Variants in DUSP22 observed in about 807,000 individuals in gnomAD.
The protein encoded by DUSP22 is dual specificity protein phosphatase 22.
Under a neutral mutation model 24.5 loss-of-function variants are expected in DUSP22, and 24 were observed. That is an observed-to-expected ratio of 0.98 (90% confidence interval 0.71 to 1.38). DUSP22 has a LOEUF of 1.38. DUSP22 is among the 40% of genes most tolerant of loss of function. DUSP22 has a pLI of 0.00. For synonymous variants in DUSP22, 160 were observed against 106.4 expected (o/e 1.50, Z -3.10); for missense variants, 330 against 269.2 (o/e 1.23, Z -1.58).
intron 1 of DUSP22, among the ~76,000 whole-genome samples, chr6:300,760 C>T (rs1282465155): frequency 3.9e-5 from 6 of 152,282 alleles, no homozygotes; most frequent in African/African-American, 1.2e-4. Context: ...TGCATTTATG[C>T]ATTTTTCCAG....
intron 3 of DUSP22, among the ~76,000 whole-genome samples, chr6:316,450 T>A (rs1295652721): frequency 6.6e-6 from 1 of 152,308 alleles, no homozygotes; most frequent in African/African-American, 2.4e-5. Context: ...TGCCCCTGTG[T>A]GCTGAAAAGT....
At chr6:336,469 G>A (rs1411224987) in intron 4 of DUSP22, among the ~76,000 whole-genome samples, 2 of 152,306 alleles carry the variant, frequency 1.3e-5, no homozygotes, top group Non-Finnish European at 2.9e-5. Context: ...TTGAACGCTG[G>A]CCATCAGCCG....
At chr6:311,507 C>A (rs1038943846) in intron 2 of DUSP22, among the ~76,000 whole-genome samples, 4 of 152,292 alleles carry the variant, frequency 2.6e-5, no homozygotes, top group Non-Finnish European at 5.9e-5. Context: ...GGTGAAACCC[C>A]GTCTCTCCTA....
chr6:292,598 C>T (rs756533667), intron 1 of DUSP22, 38 bp downstream of exon 1: 4 of 1,582,050 alleles, frequency 2.5e-6, no homozygotes, highest in East Asian at 4.8e-5. Context: ...TTTGCCTCCG[C>T]TCCGACGCCC....
chr6:347,451 C>T (rs1759936357), intron 5 of DUSP22, among the ~76,000 whole-genome samples: 1 of 152,302 alleles, frequency 6.6e-6, no homozygotes, highest in Non-Finnish European at 1.5e-5. Context: ...CTGTGACCGC[C>T]TTCATTTGCA....
chr6:311,111 C>G (rs572603815), intron 2 of DUSP22, among the ~76,000 whole-genome samples: 2 of 152,418 alleles, frequency 1.3e-5, no homozygotes, highest in Admixed American at 1.3e-4. Flanking sequence ...AATTGTTCAG[C>G]AGGAATTCTC....
intron 1 of DUSP22, among the ~76,000 whole-genome samples, chr6:302,016 A>G (rs1312776190): frequency 6.6e-6 from 1 of 152,310 alleles, no homozygotes; most frequent in Non-Finnish European, 1.5e-5. Context: ...TGTTTTCCGA[A>G]TAATCCCTCT....
intron 3 of DUSP22, among the ~76,000 whole-genome samples, chr6:333,806 G>C (rs936197496): frequency 2.0e-5 from 3 of 152,300 alleles, no homozygotes; most frequent in African/African-American, 7.2e-5. Flanking sequence ...TGTGCTTCCC[G>C]GATCCCACTC....
At chr6:308,171 C>T (rs1161824210) in intron 2 of DUSP22, among the ~76,000 whole-genome samples, 4 of 151,126 alleles carry the variant, frequency 2.6e-5, no homozygotes, top group African/African-American at 9.9e-5. Flanking sequence ...TGATGCTCTG[C>T]TGCCGGTTGG....
At chr6:331,482 A>C in intron 3 of DUSP22, among the ~76,000 whole-genome samples, 1 of 152,418 alleles carries the variant, frequency 6.6e-6, no homozygotes, top group East Asian at 1.9e-4. Flanking sequence ...ATCTAAACTT[A>C]TCCTGTCCTT....
intron 4 of DUSP22, among the ~76,000 whole-genome samples, chr6:339,224 C>T (rs1221650097): frequency 6.6e-6 from 1 of 152,304 alleles, no homozygotes; most frequent in Non-Finnish European, 1.5e-5. Flanking sequence ...GAATTAAGGG[C>T]TTTGGAAATA....
Position 349,452 on chromosome 6 carries a change from C to A in DUSP22, c.*501C>A. 6 of 1,006,302 alleles carry A rather than the reference C, an allele frequency of 6.0e-6. No homozygotes were observed. The highest frequency in any genetic ancestry group is 7.1e-6 in the Non-Finnish European group (6 of 843,134). The allele number at this position is 1,006,302 out of a possible 1,614,324, so 62.3% of individuals were successfully genotyped here. A position where few individuals can be genotyped will look rare whatever the true frequency, so the allele number is the denominator to read the frequency against. Reference sequence around the variant, plus strand: ...ACTCCACATGGAAGGCATTTGAGCTCGACCTCCGAAAAGCTACCCAGCAAA... The same window carrying A: ...ACTCCACATGGAAGGCATTTGAGCTAGACCTCCGAAAAGCTACCCAGCAAA... On this transcript the variant is annotated 3_prime_UTR_variant, in exon 7 of 7. Transcript: ENST00000419235.
Position 349,454 on chromosome 6 carries a change from A to C in DUSP22, c.*503A>C. ...TCCACATGGAAGGCATTTGAGCTCGACCTCCGAAAAGCTACCCAGCAAAGA... is the reference window on the plus strand; with the variant it reads ...TCCACATGGAAGGCATTTGAGCTCGCCCTCCGAAAAGCTACCCAGCAAAGA... On this transcript the variant is annotated 3_prime_UTR_variant, in exon 7 of 7. Transcript: ENST00000419235. 1 of 1,005,728 alleles carries C rather than the reference A, an allele frequency of 9.9e-7. No homozygotes were observed. Among genetic ancestry groups the C allele is most frequent in the Non-Finnish European group, 1.2e-6 (1 of 842,754 alleles). The allele number at this position is 1,005,728 out of a possible 1,614,324, so 62.3% of individuals were successfully genotyped here. A position where few individuals can be genotyped will look rare whatever the true frequency, so the allele number is the denominator to read the frequency against.
At chr6:334,342 T>C (rs1759270315) in intron 3 of DUSP22, among the ~76,000 whole-genome samples, 1 of 152,304 alleles carries the variant, frequency 6.6e-6, no homozygotes, top group Non-Finnish European at 1.5e-5. Flanking sequence ...ATGTTTTGTG[T>C]TTCTACTTGA....
chr6:317,403 G>T (rs1219735560), intron 3 of DUSP22, among the ~76,000 whole-genome samples: 1 of 152,300 alleles, frequency 6.6e-6, no homozygotes, highest in African/African-American at 2.4e-5. Context: ...ATGATAAAGG[G>T]TGTTTAAAGT....
At chr6:326,036 T>G in intron 3 of DUSP22, 1 of 239,148 alleles carries the variant, frequency 4.2e-6, no homozygotes, top group Admixed American at 6.2e-5. Flanking sequence ...CGTTCTGGTG[T>G]GTGCAGTGCT....
chr6:348,615 G>C, intron 6 of DUSP22, 154 bp from the exon 7 acceptor site: 1 of 1,324,952 alleles, frequency 7.5e-7, no homozygotes, highest in South Asian at 1.4e-5. Flanking sequence ...GCTTGACCCT[G>C]GCTGGCCAAC....
chr6:306,692 A>G (rs1216814520), intron 2 of DUSP22, among the ~76,000 whole-genome samples: 1 of 152,310 alleles, frequency 6.6e-6, no homozygotes, highest in Non-Finnish European at 1.5e-5. Flanking sequence ...GAGAGGAAGT[A>G]TTTTCCCCAA....
At chr6:303,697 A>T (rs1325425020) in intron 1 of DUSP22, among the ~76,000 whole-genome samples, 10 of 152,302 alleles carry the variant, frequency 6.6e-5, no homozygotes, top group Admixed American at 6.5e-4. Context: ...GCATACTTTA[A>T]CAAGTGGTAC....
Sources: allele counts gnomAD v4.1 joint callset (sites outside exome capture counted in the v4.1 genomes callset), GRCh38; gene constraint gnomAD v4.1.1; transcripts MANE v1.5; gene names NCBI Gene and HGNC (gene_info 2026-07-23, HGNC 2026-07-21).